Variants in SPMIP4 observed in about 807,000 individuals in gnomAD.
The protein encoded by SPMIP4 is sperm-associated microtubule inner protein 4.
At chr7:25,152,082 T>A in the SPMIP4 span, among the ~76,000 whole-genome samples, 1 of 152,008 alleles carries the variant, frequency 6.6e-6, no homozygotes, top group Non-Finnish European at 1.5e-5. Context: ...GTAATAGGAG[T>A]CACTAGTACT....
chr7:25,141,165 A>G, the SPMIP4 span, among the ~76,000 whole-genome samples: 1 of 152,232 alleles, frequency 6.6e-6, no homozygotes, highest in Non-Finnish European at 1.5e-5. Context: ...GTCTCTACTG[A>G]TATCTGCAGA....
the SPMIP4 span, chr7:25,134,774 TAC>T: frequency 1.9e-5 from 19 of 985,204 alleles, no homozygotes; most frequent in Non-Finnish European, 2.2e-5. Context: ...AAAAAGTGTG[TAC>T]ACTATATCTC....
chr7:25,142,625 A>G, the SPMIP4 span: 27 of 1,591,708 alleles, frequency 1.7e-5, no homozygotes, highest in African/African-American at 4.1e-5. Context: ...TACTTGTATG[A>G]AAGTGAACTC....
chr7:25,158,488 G>A, the SPMIP4 span: 1 of 1,596,322 alleles, frequency 6.3e-7, no homozygotes, highest in Non-Finnish European at 8.6e-7. Flanking sequence ...GAAAATATAA[G>A]TTATTTACTT....
chr7:25,152,653 T>G, the SPMIP4 span, among the ~76,000 whole-genome samples: 1 of 151,568 alleles, frequency 6.6e-6, no homozygotes, highest in Non-Finnish European at 1.5e-5. Context: ...CTTCCTAACT[T>G]CTTTCCTTCC....
chr7:25,176,497 T>C, the SPMIP4 span, among the ~76,000 whole-genome samples: 55,583 of 152,028 alleles, frequency 0.37, 12,362 homozygotes, highest in Non-Finnish European at 0.5. This position sits in a 1 kb window ranked among gnomAD's most constrained non-coding sequence, Gnocchi z 4.4. Context: ...GGTAGAGGAG[T>C]AGGGGCAGCA....
At chr7:25,146,260 G>A in the SPMIP4 span, among the ~76,000 whole-genome samples, 1 of 152,234 alleles carries the variant, frequency 6.6e-6, no homozygotes, top group East Asian at 1.9e-4. Flanking sequence ...AGAAGAGGAC[G>A]CCTGGTTGGA....
chr7:25,147,644 T>C, the SPMIP4 span, among the ~76,000 whole-genome samples: 18 of 152,324 alleles, frequency 1.2e-4, no homozygotes, highest in Admixed American at 7.8e-4. Context: ...CGGGACTTAA[T>C]TTTTAAAAGG....
chr7:25,167,448 T>C, the SPMIP4 span, among the ~76,000 whole-genome samples: 1 of 152,246 alleles, frequency 6.6e-6, no homozygotes, highest in African/African-American at 2.4e-5. Flanking sequence ...TGAATGAATG[T>C]GAGGTCCTCA....
chr7:25,161,620 ATTTT>A, the SPMIP4 span, among the ~76,000 whole-genome samples: 1 of 131,228 alleles, frequency 7.6e-6, no homozygotes, highest in African/African-American at 2.9e-5. Context: ...TTATTTATAG[ATTTT>A]TTTTTTTTTT....
At chr7:25,159,717 T>A in the SPMIP4 span, among the ~76,000 whole-genome samples, 27 of 152,346 alleles carry the variant, frequency 1.8e-4, no homozygotes, top group African/African-American at 6.5e-4. Context: ...TATATCTTTT[T>A]AAATTTCAAC....
At chr7:25,157,671 A>G in the SPMIP4 span, among the ~76,000 whole-genome samples, 1 of 152,224 alleles carries the variant, frequency 6.6e-6, no homozygotes, top group Non-Finnish European at 1.5e-5. Flanking sequence ...CAAGGTCATT[A>G]AAACAAGGGA....
the SPMIP4 span, among the ~76,000 whole-genome samples, chr7:25,127,645 G>C: frequency 6.6e-6 from 1 of 152,050 alleles, no homozygotes; most frequent in African/African-American, 2.4e-5. Context: ...TGAATTCTCT[G>C]TTTGAAAAGT....
At chr7:25,136,615 A>G in the SPMIP4 span, 6 of 1,614,172 alleles carry the variant, frequency 3.7e-6, no homozygotes, top group Admixed American at 8.3e-5. This position sits in a 1 kb window ranked among gnomAD's most constrained non-coding sequence, Gnocchi z 5.7. Context: ...AAGTGCCACC[A>G]TTTCTTTAGA....
At chr7:25,153,270 A>ATT in the SPMIP4 span, among the ~76,000 whole-genome samples, 1 of 152,040 alleles carries the variant, frequency 6.6e-6, no homozygotes, top group Non-Finnish European at 1.5e-5. Context: ...TGCACTGAAA[A>ATT]GTGTTTTTAT....
chr7:25,157,141 C>T, the SPMIP4 span, among the ~76,000 whole-genome samples: 1 of 152,078 alleles, frequency 6.6e-6, no homozygotes, highest in African/African-American at 2.4e-5. Context: ...CTCCTCATTG[C>T]CAATCTTAGT....
the SPMIP4 span, among the ~76,000 whole-genome samples, chr7:25,143,838 T>A: frequency 2.0e-5 from 3 of 152,142 alleles, no homozygotes. Context: ...CCTCAAGAGA[T>A]CCTCCTACTT....
the SPMIP4 span, among the ~76,000 whole-genome samples, chr7:25,170,306 G>A: frequency 6.6e-6 from 1 of 152,148 alleles, no homozygotes; most frequent in Non-Finnish European, 1.5e-5. Flanking sequence ...ATGATGTTGA[G>A]CATTTTTTTC....
At chr7:25,158,651 G>A in the SPMIP4 span, 4 of 769,510 alleles carry the variant, frequency 5.2e-6, no homozygotes, top group South Asian at 1.7e-5. Flanking sequence ...TGTAATCCCA[G>A]CACTTTGGGA....
Sources: gnomAD v4.1 joint callset for allele counts (sites outside exome capture counted in the v4.1 genomes callset) on GRCh38, gnomAD v4.1.1 for gene constraint, Gnocchi (gnomAD v3.1) non-coding constraint, MANE v1.5 for transcripts, NCBI Gene and HGNC (gene_info 2026-07-23, HGNC 2026-07-21) for gene names.